LRMDA: variants seen among roughly 807,000 people sequenced by gnomAD.
The protein encoded by LRMDA is leucine-rich melanocyte differentiation-associated protein.
A neutral mutation model predicts 29.8 loss-of-function variants in LRMDA; 18 were observed. The observed-to-expected ratio is 0.60, with a 90% CI of 0.42 to 0.90. The LOEUF (loss-of-function observed/expected upper bound fraction) is 0.90, where lower values mean the gene tolerates loss of function less well. Among genes scored for constraint, LRMDA ranks in the 40% least tolerant of loss-of-function variants. The pLI, the probability that LRMDA is intolerant of heterozygous loss-of-function variation, is 0.00. For missense variants in LRMDA, 273 were observed against 273.9 expected, an observed-to-expected ratio of 1.00 and a Z score of 0.02; for synonymous variants, 125 against 109.4, an observed-to-expected ratio of 1.14 and a Z score of -0.89.
chr10:75,724,325 G>T (rs1842605314), intron 2 of LRMDA, among the ~76,000 whole-genome samples: 1 of 152,118 alleles, frequency 6.6e-6, no homozygotes, highest in Non-Finnish European at 1.5e-5. Context: ...GCAAAACAGG[G>T]CTCCCCATTA....
chr10:75,538,189 C>T (rs1455480665), intron 2 of LRMDA, among the ~76,000 whole-genome samples: 1 of 152,144 alleles, frequency 6.6e-6, no homozygotes, highest in African/African-American at 2.4e-5. Flanking sequence ...GCCGCTGCAT[C>T]GAAGGGGAGC....
intron 6 of LRMDA, among the ~76,000 whole-genome samples, chr10:76,483,656 A>G (rs1339842440): frequency 6.6e-6 from 1 of 151,666 alleles, no homozygotes; most frequent in East Asian, 2.0e-4. Context: ...TGTGGCTTTA[A>G]TCAGCTGCTC....
At chr10:76,143,100 A>G (rs894786632) in intron 5 of LRMDA, among the ~76,000 whole-genome samples, 5 of 152,326 alleles carry the variant, frequency 3.3e-5, no homozygotes, top group African/African-American at 1.2e-4. Flanking sequence ...GTTATTGGAC[A>G]TTTAGGTTGG....
intron 2 of LRMDA, among the ~76,000 whole-genome samples, chr10:75,751,184 G>A (rs1363140393): frequency 6.6e-6 from 1 of 152,170 alleles, no homozygotes. Context: ...GCGTGGCGGC[G>A]CGTGCCTGCA....
chr10:75,973,853 A>G (rs1847025055), intron 2 of LRMDA, among the ~76,000 whole-genome samples: 1 of 152,138 alleles, frequency 6.6e-6, no homozygotes. Flanking sequence ...CTGAACTCAA[A>G]GGGAAAAGTT....
intron 6 of LRMDA, among the ~76,000 whole-genome samples, chr10:76,496,273 C>T (rs35240207): frequency 0.015 from 1,123 of 75,462 alleles, 483 homozygotes; most frequent in Non-Finnish European, 0.035. Context: ...TCCCACATAT[C>T]CCCTGACTAG....
chr10:75,691,150 A>ATG (rs2063089186), intron 2 of LRMDA, among the ~76,000 whole-genome samples: 2 of 100,122 alleles, frequency 2.0e-5, no homozygotes, highest in Non-Finnish European at 1.8e-5. Context: ...CTATATATCT[A>ATG]TATACATAGA....
chr10:76,356,673 C>T (rs935252772), intron 6 of LRMDA, among the ~76,000 whole-genome samples: 5 of 152,130 alleles, frequency 3.3e-5, no homozygotes, highest in South Asian at 2.1e-4. Flanking sequence ...CCTATGTATG[C>T]GTGTACATCT....
chr10:76,196,016 A>G (rs1851325725), intron 5 of LRMDA, among the ~76,000 whole-genome samples: 1 of 152,202 alleles, frequency 6.6e-6, no homozygotes, highest in Non-Finnish European at 1.5e-5. Flanking sequence ...TTGCATGAAA[A>G]CGATAGTTAA....
chr10:75,431,840 A>T, intron 1 of LRMDA, 86 bp downstream of exon 1: 1 of 1,218,490 alleles, frequency 8.2e-7, no homozygotes, highest in South Asian at 3.0e-5. Flanking sequence ...CAGGGCCTAG[A>T]CACCCCTGTC....
At chr10:75,896,897 G>A (rs1845592284) in intron 2 of LRMDA, among the ~76,000 whole-genome samples, 1 of 151,262 alleles carries the variant, frequency 6.6e-6, no homozygotes, top group Non-Finnish European at 1.5e-5. Flanking sequence ...AGCCTAAAGG[G>A]AGATCTCATG....
chr10:76,310,456 C>G (rs1840615745), intron 5 of LRMDA, among the ~76,000 whole-genome samples: 3 of 110,688 alleles, frequency 2.7e-5, no homozygotes, highest in Non-Finnish European at 4.9e-5. Context: ...CATGACTCTT[C>G]TCCTGTTGCA....
chr10:75,652,275 T>C (rs1402361456), intron 2 of LRMDA, among the ~76,000 whole-genome samples: 1 of 152,216 alleles, frequency 6.6e-6, no homozygotes, highest in Non-Finnish European at 1.5e-5. Context: ...CAGATTGGCA[T>C]GTCTTTGGAT....
intron 2 of LRMDA, among the ~76,000 whole-genome samples, chr10:75,849,120 G>C (rs1438421151): frequency 6.6e-6 from 1 of 152,190 alleles, no homozygotes; most frequent in Non-Finnish European, 1.5e-5. Context: ...CCAGGGCTTA[G>C]TTTTAGTTGG....
chr10:76,116,126 G>A (rs1432838540), intron 5 of LRMDA, among the ~76,000 whole-genome samples: 1 of 152,128 alleles, frequency 6.6e-6, no homozygotes, highest in Non-Finnish European at 1.5e-5. Flanking sequence ...GCCTGTGTAA[G>A]CATGAGTGTT....
At chr10:75,560,825 C>G (rs995126546) in intron 2 of LRMDA, among the ~76,000 whole-genome samples, 1 of 152,064 alleles carries the variant, frequency 6.6e-6, no homozygotes, top group Non-Finnish European at 1.5e-5. Flanking sequence ...TGTTTATATG[C>G]TGGATTACAT....
At chr10:76,010,349 G>C (rs1378840163) in intron 2 of LRMDA, among the ~76,000 whole-genome samples, 3 of 136,540 alleles carry the variant, frequency 2.2e-5, no homozygotes, top group African/African-American at 8.2e-5. Flanking sequence ...GTCTCACTCT[G>C]TCGCCCAGGC....
chr10:75,584,507 G>T (rs1840633829), intron 2 of LRMDA, among the ~76,000 whole-genome samples: 2 of 152,176 alleles, frequency 1.3e-5, no homozygotes, highest in Admixed American at 1.3e-4. Context: ...TGGGTGCTCA[G>T]TGAATGTTTA....
At chr10:75,631,398 A>G (rs1428584170) in intron 2 of LRMDA, among the ~76,000 whole-genome samples, 1 of 149,878 alleles carries the variant, frequency 6.7e-6, no homozygotes, top group Non-Finnish European at 1.5e-5. Context: ...AGTGAACCTC[A>G]CTGCACCCCC....
Sources: allele counts gnomAD v4.1 joint callset (sites outside exome capture counted in the v4.1 genomes callset), GRCh38; gene constraint gnomAD v4.1.1; transcripts MANE v1.5; gene names NCBI Gene and HGNC (gene_info 2026-07-23, HGNC 2026-07-21).